Variants in DDX60 observed in about 807,000 individuals in gnomAD.
DDX60 encodes the protein probable ATP-dependent RNA helicase DDX60.
DDX60 carries 165 observed loss-of-function variants against 212.8 expected under a neutral mutation model. The ratio of observed to expected loss-of-function variants is 0.78; its 90% CI spans 0.68 to 0.88. The LOEUF (loss-of-function observed/expected upper bound fraction) is 0.88. Among genes scored for constraint, DDX60 ranks in the 40% least tolerant of loss-of-function variants. The pLI, the probability that DDX60 is intolerant of heterozygous loss-of-function variation, is 0.00. For synonymous variants in DDX60, 703 were observed against 685.3 expected (o/e 1.03, Z -0.40); for missense variants, 1,905 against 2,003.9 (o/e 0.95, Z 0.94).
chr4:168,270,590 T>C (rs1322875383), intron 19 of DDX60, among the ~76,000 whole-genome samples: 5 of 152,248 alleles, frequency 3.3e-5, no homozygotes, highest in Non-Finnish European at 7.3e-5. Flanking sequence ...TTCAAAGTTC[T>C]AGATTGCACA....
At chr4:168,253,085 G>T (rs1171538672) in intron 26 of DDX60, among the ~76,000 whole-genome samples, 4 of 152,196 alleles carry the variant, frequency 2.6e-5, no homozygotes, top group African/African-American at 4.8e-5. Context: ...TTACAGGCAT[G>T]AGCCACCGTG....
At chr4:168,316,847 C>T (rs1222382830) in intron 1 of DDX60, among the ~76,000 whole-genome samples, 1 of 151,392 alleles carries the variant, frequency 6.6e-6, no homozygotes, top group Non-Finnish European at 1.5e-5. Flanking sequence ...CACCTGAGGT[C>T]GGGAGTTCGA....
At chr4:168,297,844 T>G (rs1157303380) in intron 6 of DDX60, among the ~76,000 whole-genome samples, 1 of 152,090 alleles carries the variant, frequency 6.6e-6, no homozygotes, top group Non-Finnish European at 1.5e-5. Flanking sequence ...GTTGCTGTGA[T>G]CGTGTCACTG....
intron 6 of DDX60, among the ~76,000 whole-genome samples, chr4:168,297,164 C>T (rs917839089): frequency 6.6e-6 from 1 of 151,710 alleles, no homozygotes; most frequent in African/African-American, 2.4e-5. Context: ...CTACCTTGGC[C>T]TCCCAAAGTG....
chr4:168,219,040 G>A (rs1413402097), intron 37 of DDX60, among the ~76,000 whole-genome samples: 1 of 151,860 alleles, frequency 6.6e-6, no homozygotes, highest in African/African-American at 2.4e-5. Context: ...TAGCACTTTG[G>A]GAGGCCAAGG....
chr4:168,307,881 CT>C, intron 4 of DDX60, 124 bp downstream of exon 4: 1 of 466,058 alleles, frequency 2.1e-6, no homozygotes, highest in Non-Finnish European at 3.4e-6. Flanking sequence ...CTCTTCTTTC[CT>C]TTCAATTTTC....
At chr4:168,237,250 C>T in intron 32 of DDX60, 36 bp downstream of exon 32, 1 of 1,359,696 alleles carries the variant, frequency 7.4e-7, no homozygotes, top group East Asian at 2.8e-5. Context: ...TTTTTGGACT[C>T]TCTCTCTACA....
chr4:168,222,294 A>G (rs1560808371), intron 35 of DDX60, among the ~76,000 whole-genome samples: 1 of 152,176 alleles, frequency 6.6e-6, no homozygotes, highest in Non-Finnish European at 1.5e-5. Flanking sequence ...TGGGAACCCA[A>G]TTACCTGAAT....
At chr4:168,314,229 C>A (rs1300085531) in intron 1 of DDX60, among the ~76,000 whole-genome samples, 2 of 152,076 alleles carry the variant, frequency 1.3e-5, no homozygotes, top group Non-Finnish European at 2.9e-5. Context: ...AACACCTAAA[C>A]AGAATTCACA....
At position 168,216,393 on chromosome 4, in the gene DDX60, C is replaced by CA. The variant is rs1732850376; in HGVS notation, c.*539dup. 1.3e-5 allele frequency: 2 copies of CA among 152,094 alleles called. No homozygotes were observed. The highest frequency in any genetic ancestry group is 4.8e-5 in the African/African-American group (2 of 41,412). The allele number at this position is 152,094 out of a possible 1,614,324, so 9.4% of individuals were successfully genotyped here. On this transcript the variant is annotated 3_prime_UTR_variant, in exon 38 of 38. Transcript: ENST00000393743. ...TCTCTATATTTTTGTTAAATCATCACAAAATGTATGTTTAAAAAGTAGTTT... is the reference window on the plus strand; with the variant it reads ...TCTCTATATTTTTGTTAAATCATCACAAAAATGTATGTTTAAAAAGTAGTTT...
At chr4:168,318,434 C>A (rs1055575888) in intron 1 of DDX60, among the ~76,000 whole-genome samples, 188 bp downstream of exon 1, 2 of 152,266 alleles carry the variant, frequency 1.3e-5, no homozygotes, top group Non-Finnish European at 2.9e-5. Context: ...TCCCCACGCC[C>A]GGCCTTCCGG....
At chr4:168,261,107 G>T in intron 24 of DDX60, 118 bp from the exon 25 acceptor site, 1 of 1,085,552 alleles carries the variant, frequency 9.2e-7, no homozygotes, top group Non-Finnish European at 1.3e-6. Flanking sequence ...TTTTAAAATA[G>T]TCCTATGAAA....
At chr4:168,240,059 C>A (rs141010301) in intron 30 of DDX60, among the ~76,000 whole-genome samples, 8,861 of 152,096 alleles carry the variant, frequency 0.058, 441 homozygotes, top group East Asian at 0.15. Context: ...ATGACATGAT[C>A]CTATATCTAG....
intron 28 of DDX60, among the ~76,000 whole-genome samples, 183 bp from the exon 29 acceptor site, chr4:168,248,475 C>T (rs957816984): frequency 3.3e-5 from 5 of 152,286 alleles, no homozygotes; most frequent in African/African-American, 4.8e-5. Flanking sequence ...TTCCCAAATG[C>T]GCTGTTTGCT....
intron 2 of DDX60, 33 bp from the exon 3 acceptor site, chr4:168,311,100 G>C: frequency 2.1e-6 from 3 of 1,456,488 alleles, no homozygotes; most frequent in Non-Finnish European, 1.9e-6. Flanking sequence ...AAAGAGAATG[G>C]GTTATTTTTC....
chr4:168,305,818 A>G (rs1196938644), intron 5 of DDX60, among the ~76,000 whole-genome samples: 1 of 152,088 alleles, frequency 6.6e-6, no homozygotes, highest in Non-Finnish European at 1.5e-5. Context: ...ATAATAAGAA[A>G]TAAGCTTATT....
intron 30 of DDX60, among the ~76,000 whole-genome samples, chr4:168,238,519 A>G (rs75922949): frequency 0.02 from 3,040 of 151,100 alleles, 202 homozygotes; most frequent in East Asian, 0.13. Context: ...AGAGAAAAGG[A>G]AGAAGAGAGA....
chr4:168,276,524 T>A (rs879809828), intron 14 of DDX60, among the ~76,000 whole-genome samples: 1 of 152,188 alleles, frequency 6.6e-6, no homozygotes, highest in Admixed American at 6.5e-5. Flanking sequence ...AAGAAAAATA[T>A]CTTTATTACT....
chr4:168,262,222 T>G (rs538079892), intron 23 of DDX60, 94 bp from the exon 24 acceptor site: 3 of 1,385,384 alleles, frequency 2.2e-6, no homozygotes, highest in East Asian at 5.0e-5. Context: ...CTTACAAGTT[T>G]CTTGAGCACA....
Sources: allele counts gnomAD v4.1 joint callset (sites outside exome capture counted in the v4.1 genomes callset), GRCh38; gene constraint gnomAD v4.1.1; transcripts MANE v1.5; gene names NCBI Gene and HGNC (gene_info 2026-07-23, HGNC 2026-07-21).